SMAP2: variants seen among roughly 807,000 people sequenced by gnomAD.
SMAP2 encodes small ArfGAP2, also known as stromal membrane-associated protein 2.
Under a neutral mutation model 56.4 loss-of-function variants are expected in SMAP2, and 25 were observed. The ratio of observed to expected loss-of-function variants is 0.44; its 90% confidence interval spans 0.32 to 0.62. The LOEUF (loss-of-function observed/expected upper bound fraction) is 0.62. SMAP2 is among the 20% of genes least tolerant of loss of function. SMAP2 has a pLI of 0.04. For missense variants in SMAP2, 388 were observed against 545.6 expected (o/e 0.71, Z 2.88); for synonymous variants, 157 against 181.7 (o/e 0.86, Z 1.09).
At chr1:40,393,540 ACTTT>A (rs1474798790) in intron 1 of SMAP2, 2 of 1,323,178 alleles carry the variant, frequency 1.5e-6, no homozygotes, top group Non-Finnish European at 2.0e-6. Flanking sequence ...AGTTCTTCTA[ACTTT>A]TTTTTTTTTT....
intron 1 of SMAP2, among the ~76,000 whole-genome samples, chr1:40,346,974 C>T (rs1158071365): frequency 3.3e-5 from 5 of 152,092 alleles, no homozygotes; most frequent in African/African-American, 9.6e-5. Flanking sequence ...CTCAACCTCC[C>T]GAAGTGCTGA....
intron 4 of SMAP2, 75 bp from the exon 5 acceptor site, chr1:40,412,941 A>G: frequency 2.6e-6 from 3 of 1,161,716 alleles, no homozygotes; most frequent in Non-Finnish European, 3.7e-6. Context: ...TCCTTTTCGG[A>G]CACTTGGAAT....
chr1:40,366,181 T>A (rs1644480472), intron 2 of SMAP2, among the ~76,000 whole-genome samples: 1 of 151,900 alleles, frequency 6.6e-6, no homozygotes, highest in Admixed American at 6.6e-5. Flanking sequence ...GAGCAAAGCC[T>A]CCAAGAAATA....
Position 40,414,176 on chromosome 1 carries a change from C to G in SMAP2, c.507C>G (p.Asp169Glu). 6.2e-7 allele frequency: 1 copy of G among 1,614,124 alleles called. No homozygotes were observed. Among genetic ancestry groups the G allele is most frequent in the South Asian group, 1.1e-5 (1 of 91,084 alleles). ...EKVKMPQKKE[D>E]PQLPRKSSPK... Reference sequence around the variant, plus strand: ...CACCTTAGCCACAGAAAAAAGAAGACCCACAGCTACCTCGGAAAAGCTCCC... The same window carrying G: ...CACCTTAGCCACAGAAAAAAGAAGAGCCACAGCTACCTCGGAAAAGCTCCC... The change falls in exon 6 of 10, where the codon GAC becomes GAG. Residue 169 changes from aspartate (D) to glutamate (E), a missense_variant. Transcript: ENST00000372718.
At chr1:40,379,822 A>G (rs1202979595) in intron 1 of SMAP2, among the ~76,000 whole-genome samples, 1 of 152,144 alleles carries the variant, frequency 6.6e-6, no homozygotes, top group Non-Finnish European at 1.5e-5. Flanking sequence ...ATGAGCCACC[A>G]TGCCCAGCAG....
At chr1:40,361,148 G>A (rs1644458246) in intron 1 of SMAP2, among the ~76,000 whole-genome samples, 2 of 152,206 alleles carry the variant, frequency 1.3e-5, no homozygotes, top group Non-Finnish European at 2.9e-5. Flanking sequence ...TTGGATACCA[G>A]TTCAGCCACA....
chr1:40,374,971 A>G lies in SMAP2; in HGVS notation c.103+748A>G, dbSNP rs1034060614. On this transcript the variant is annotated intron_variant, in intron 1 of 9. Coordinates refer to ENST00000372718, the MANE Select transcript of SMAP2 (RefSeq NM_022733.3). The surrounding 1 kb of genome is among the most constrained non-coding windows in gnomAD (Gnocchi z 5.9). ...CCGTTTAATCAGTGGAGAGAGAAAG[A>G]TGAATTCGATGAATTCATTGCTTCC... The G allele has an allele frequency of 5.1e-6, 5 of 985,250 alleles. No individual in the cohort carries two copies. Among genetic ancestry groups the G allele is most frequent in the Admixed American group, 6.2e-5 (1 of 16,254 alleles). The allele number at this position is 985,250 out of a possible 1,614,324, so 61.0% of individuals were successfully genotyped here. A position where few individuals can be genotyped will look rare whatever the true frequency, so the allele number is the denominator to read the frequency against.
chr1:40,415,433 T>C, intron 7 of SMAP2, 52 bp downstream of exon 7: 2 of 1,213,714 alleles, frequency 1.6e-6, no homozygotes, highest in Middle Eastern at 1.9e-4. Flanking sequence ...ATGGGTGATT[T>C]TGATATCTTA....
rs576050717 is a variant in SMAP2 at position 40,419,474 on chromosome 1, G to A, written c.1164+2378G>A. Among the ~76,000 whole-genome samples, 8 of 151,886 alleles carry A rather than the reference G, an allele frequency of 5.3e-5. No homozygotes were observed. The South Asian group carries it at 1.0e-3, about 20-fold the overall frequency. The stretch of plus-strand genomic sequence containing the variant: ...TTTTTTTGTATTTTTTAGTAGAGAC[G>A]GGGTTTCACCATGTTGGCCAGGCTA... On this transcript the variant is annotated intron_variant, in intron 9 of 9. Coordinates refer to ENST00000372718, the MANE Select transcript of SMAP2 (RefSeq NM_022733.3).
intron 1 of SMAP2, among the ~76,000 whole-genome samples, chr1:40,398,935 G>A (rs893094514): frequency 2.6e-5 from 4 of 152,134 alleles, no homozygotes; most frequent in Non-Finnish European, 5.9e-5. Context: ...ATAGTTAAGC[G>A]GGAAAGACAT....
At chr1:40,360,004 CTTTTT>C (rs775408458) in intron 1 of SMAP2, among the ~76,000 whole-genome samples, 1 of 102,498 alleles carries the variant, frequency 9.8e-6, no homozygotes. Flanking sequence ...CTTCTTCTTT[CTTTTT>C]TTTTTTTTTT....
chr1:40,380,321 G>A (rs1284188235), intron 1 of SMAP2, among the ~76,000 whole-genome samples: 4 of 152,076 alleles, frequency 2.6e-5, no homozygotes, highest in Non-Finnish European at 4.4e-5. Context: ...GATGTTTCCC[G>A]ATTTCAAACT....
At chr1:40,364,102 T>C (rs560231169) in intron 2 of SMAP2, among the ~76,000 whole-genome samples, 3 of 152,340 alleles carry the variant, frequency 2.0e-5, no homozygotes, top group Admixed American at 2.0e-4. Context: ...GATTAACATA[T>C]GGCTTAAGAG....
intron 1 of SMAP2, among the ~76,000 whole-genome samples, chr1:40,377,468 T>C (rs1455314690): frequency 6.6e-6 from 1 of 152,222 alleles, no homozygotes; most frequent in East Asian, 1.9e-4. Context: ...GAAACTGCTT[T>C]GGGGCTGCCT....
chr1:40,394,499 T>C (rs917251950), intron 1 of SMAP2, among the ~76,000 whole-genome samples: 10 of 152,160 alleles, frequency 6.6e-5, no homozygotes, highest in African/African-American at 2.4e-4. Context: ...TTCATTGGCT[T>C]ATGCAATCAG....
At chr1:40,415,242 C>A in intron 6 of SMAP2, 30 bp from the exon 7 acceptor site, 1 of 1,522,622 alleles carries the variant, frequency 6.6e-7, no homozygotes, top group Non-Finnish European at 9.1e-7. Context: ...ATAAGCAGTG[C>A]TGCATCTTAA....
chr1:40,380,724 T>G (rs1049199012), intron 1 of SMAP2, among the ~76,000 whole-genome samples: 3 of 152,020 alleles, frequency 2.0e-5, no homozygotes, highest in African/African-American at 7.3e-5. Flanking sequence ...AGAGAGGGGT[T>G]TCATCATGTT....
At chr1:40,413,140 A>G in intron 5 of SMAP2, 38 bp downstream of exon 5, 1 of 1,477,588 alleles carries the variant, frequency 6.8e-7, no homozygotes. Context: ...GGACAGCCTC[A>G]GGTATGTGTA....
chr1:40,375,456 T>A (rs1484706039), intron 1 of SMAP2, among the ~76,000 whole-genome samples: 1 of 152,166 alleles, frequency 6.6e-6, no homozygotes, highest in Non-Finnish European at 1.5e-5. Context: ...AAGAATAAGG[T>A]TATAAAAGGA....
Sources: gnomAD v4.1 joint callset for allele counts (sites outside exome capture counted in the v4.1 genomes callset) on GRCh38, gnomAD v4.1.1 for gene constraint, Gnocchi (gnomAD v3.1) non-coding constraint, MANE v1.5 for transcripts, NCBI Gene and HGNC (gene_info 2026-07-23, HGNC 2026-07-21) for gene names.